Variants in GNL2 observed in about 807,000 individuals in gnomAD.
The protein encoded by GNL2 is nucleolar GTP-binding protein 2.
A neutral mutation model predicts 92.3 loss-of-function variants in GNL2; 51 were observed. That is an observed-to-expected ratio of 0.55 (90% CI 0.44 to 0.70). The LOEUF (loss-of-function observed/expected upper bound fraction) is 0.70. GNL2 is among the 30% of genes least tolerant of loss of function. The pLI, the probability that GNL2 is intolerant of heterozygous loss-of-function variation, is 0.00. For synonymous variants in GNL2, 283 were observed against 300.6 expected (o/e 0.94, Z 0.61); for missense variants, 844 against 895.6 (o/e 0.94, Z 0.74).
At chr1:37,589,788 C>A (rs1169314810) in intron 4 of GNL2, among the ~76,000 whole-genome samples, 2 of 152,138 alleles carry the variant, frequency 1.3e-5, no homozygotes, top group South Asian at 4.1e-4. Context: ...AGATTGAATC[C>A]TTACTGCACT....
At position 37,568,996 on chromosome 1, in the gene GNL2, C is replaced by G; in HGVS notation, c.1723G>C (p.Asp575His). The G allele has an allele frequency of 6.2e-7, 1 of 1,614,096 alleles. No individual in the cohort carries two copies. Among genetic ancestry groups the G allele is most frequent in the Non-Finnish European group, 8.5e-7 (1 of 1,179,942 alleles). ...TCCGAGGAAGACTCTTCCGCATCAT[C>G]TCTTTGTTGCTCCTGTTCCTCCTCC... ...EEEEEQEQQR[D>H]DAEESSSEPE... Residue 575 changes from aspartate to histidine, a missense_variant, in exon 13 of 16, where the codon GAT becomes CAT. By Grantham distance (81) the Asp-to-His change is moderately conservative (BLOSUM62 -1). Coordinates refer to ENST00000373062, the MANE Select transcript of GNL2 (RefSeq NM_013285.3).
At chr1:37,567,156 TC>T (rs1023979551) in intron 15 of GNL2, 149 bp from the exon 16 acceptor site, 20 of 768,982 alleles carry the variant, frequency 2.6e-5, no homozygotes, top group African/African-American at 3.5e-5. Context: ...GAGGGAGGGC[TC>T]CCCCGTAGAC....
In GNL2 at chr1:37,566,930, C is replaced by G. The variant is rs1458912914; in HGVS notation, c.2121G>C (p.Arg707Ser). The G allele has an allele frequency of 1.2e-6, 2 of 1,614,086 alleles. No individual in the cohort carries two copies. The highest frequency in any genetic ancestry group is 3.3e-5 in the Admixed American group (2 of 60,014). The change falls in exon 16 of 16, where the codon AGG becomes AGC. Residue 707 changes from arginine (R) to serine (S), a missense_variant. By Grantham distance (110) the Arg-to-Ser change is moderately radical. Transcript: ENST00000373062. ...CATTGGTCTTCTTTTTGTTCCTGTT[C>G]CTATTTTTCACGTTGTGTGTTTCAT... Reference protein sequence around the residue: ...RYYETHNVKNRNRNKKKTNDS... With the variant: ...RYYETHNVKNSNRNKKKTNDS...
chr1:37,595,918 C>G lies in GNL2; in HGVS notation c.-96G>C. The G allele has an allele frequency of 1.1e-6, 1 of 923,916 alleles. No homozygotes were observed. The highest frequency in any genetic ancestry group is 1.8e-6 in the Non-Finnish European group (1 of 566,588). 57.2% of individuals were successfully genotyped at this position (923,916 alleles called of 1,614,324 possible). On this transcript the variant is annotated 5_prime_UTR_variant, in exon 1 of 16. Coordinates refer to ENST00000373062, the MANE Select transcript of GNL2 (RefSeq NM_013285.3). ...GCCCGGCCGAAGACACCCGCCTGAA[C>G]CACGCCGGACCACGTGTGCACGACG...
At chr1:37,585,204 G>A (rs1469957681) in intron 5 of GNL2, among the ~76,000 whole-genome samples, 2 of 151,596 alleles carry the variant, frequency 1.3e-5, no homozygotes, top group Non-Finnish European at 2.9e-5. Flanking sequence ...TACTACAGGT[G>A]TGCGCCCCTG....
rs767770714 is a variant in GNL2 at position 37,595,843 on chromosome 1, C to A, written c.-21G>T. On this transcript the variant is annotated 5_prime_UTR_variant, in exon 1 of 16. Coordinates refer to ENST00000373062, the MANE Select transcript of GNL2 (RefSeq NM_013285.3). ...ACCATCTTGGCGACGAGACCGGGAC[C>A]GGAGTGCGAGGTCCGGCTTACGTGG... 6.2e-7 allele frequency: 1 copy of A among 1,611,620 alleles called. No individual in the cohort carries two copies. The highest frequency in any genetic ancestry group is 2.2e-5 in the East Asian group (1 of 44,872).
chr1:37,591,771 T>C (rs1340203846), intron 3 of GNL2, among the ~76,000 whole-genome samples: 1 of 152,176 alleles, frequency 6.6e-6, no homozygotes, highest in South Asian at 2.1e-4. Flanking sequence ...CCTCCCAAAG[T>C]GCTGGGATTA....
At chr1:37,576,621 T>C in intron 8 of GNL2, 65 bp from the exon 9 acceptor site, 5 of 1,503,544 alleles carry the variant, frequency 3.3e-6, no homozygotes, top group Non-Finnish European at 4.5e-6. Flanking sequence ...ACAAGTAGGT[T>C]GTATTACTTT....
chr1:37,567,637 T>C (rs948419515), intron 15 of GNL2, 36 bp downstream of exon 15: 5 of 1,343,854 alleles, frequency 3.7e-6, no homozygotes, highest in Non-Finnish European at 5.4e-6. Flanking sequence ...TTCTAGTTAC[T>C]CTACTTGGGC....
At chr1:37,572,766 T>A (rs1291151000) in intron 12 of GNL2, among the ~76,000 whole-genome samples, 4 of 152,156 alleles carry the variant, frequency 2.6e-5, no homozygotes, top group Non-Finnish European at 5.9e-5. Flanking sequence ...CCAGAACCCC[T>A]GAATTTGTAG....
chr1:37,583,803 T>C, intron 6 of GNL2, 64 bp downstream of exon 6: 2 of 957,954 alleles, frequency 2.1e-6, no homozygotes, highest in Middle Eastern at 2.1e-4. Context: ...CAAAATTAGT[T>C]TTCTTCTACA....
rs1570054335 is a variant in GNL2, at chr1:37,575,536, G to T, written c.1143+59C>A. ...ATAAGTAAAAAGGAAAGGTATCCAG[G>T]GTTCCCTATAGAACACTCCCCCGCA... On this transcript the variant is annotated intron_variant, in intron 10 of 15. Transcript: ENST00000373062. This position sits in a 1 kb window ranked among gnomAD's most constrained non-coding sequence, Gnocchi z 4.1. 7 of 968,332 alleles carry T rather than the reference G, an allele frequency of 7.2e-6. No individual in the cohort carries two copies. In the East Asian group the frequency reaches 1.7e-4, roughly 23 times the overall value. The allele number at this position is 968,332 out of a possible 1,614,324, so 60.0% of individuals were successfully genotyped here.
rs1251827403 is a variant in GNL2 at position 37,575,548 on chromosome 1, A to T, written c.1143+47T>A. On this transcript the variant is annotated intron_variant, in intron 10 of 15. Transcript: ENST00000373062. The surrounding 1 kb of genome is among the most constrained non-coding windows in gnomAD (Gnocchi z 4.1). ...GAAAGGTATCCAGGGTTCCCTATAG[A>T]ACACTCCCCCGCAAACACAAACAGC... The T allele has an allele frequency of 2.6e-6, 3 of 1,174,434 alleles. No homozygotes were observed. Among genetic ancestry groups the T allele is most frequent in the Non-Finnish European group, 1.2e-6 (1 of 825,032 alleles). The allele number at this position is 1,174,434 out of a possible 1,614,324, so 72.8% of individuals were successfully genotyped here.
At chr1:37,581,155 G>A (rs895809181) in intron 8 of GNL2, among the ~76,000 whole-genome samples, 2 of 152,166 alleles carry the variant, frequency 1.3e-5, no homozygotes. Flanking sequence ...TAAACTGGGG[G>A]TGAGGGGTGG....
chr1:37,579,136 T>C (rs1465454003), intron 8 of GNL2, among the ~76,000 whole-genome samples: 4 of 152,178 alleles, frequency 2.6e-5, no homozygotes, highest in Non-Finnish European at 5.9e-5. Context: ...ATACTGTGAC[T>C]GTGAAATAAG....
intron 8 of GNL2, among the ~76,000 whole-genome samples, chr1:37,579,272 G>A (rs1187314844): frequency 6.6e-6 from 1 of 152,164 alleles, no homozygotes; most frequent in African/African-American, 2.4e-5. Flanking sequence ...AAGTGGCCGG[G>A]AGCAGTGGCT....
intron 8 of GNL2, among the ~76,000 whole-genome samples, chr1:37,581,191 T>C (rs532427871): frequency 6.6e-6 from 1 of 152,228 alleles, no homozygotes; most frequent in South Asian, 2.1e-4. Flanking sequence ...ATCATAAGCA[T>C]GTACTAAAAA....
intron 11 of GNL2, 81 bp downstream of exon 11, chr1:37,574,584 G>T: frequency 2.1e-6 from 3 of 1,420,632 alleles, no homozygotes; most frequent in Admixed American, 1.8e-5. Flanking sequence ...GCTCATACAT[G>T]CATACCAAAA....
intron 5 of GNL2, among the ~76,000 whole-genome samples, chr1:37,584,285 C>CA (rs1643817580): frequency 1.3e-5 from 2 of 151,726 alleles, no homozygotes; most frequent in African/African-American, 4.8e-5. Context: ...CCCATCTCCA[C>CA]AAAAAATACA....
Sources: gnomAD v4.1 joint callset for allele counts (sites outside exome capture counted in the v4.1 genomes callset) on GRCh38, gnomAD v4.1.1 for gene constraint, Gnocchi (gnomAD v3.1) non-coding constraint, MANE v1.5 for transcripts, NCBI Gene and HGNC (gene_info 2026-07-23, HGNC 2026-07-21) for gene names.